PLCB4: variants seen among roughly 807,000 people sequenced by gnomAD.
PLCB4 encodes the protein 1-phosphatidylinositol 4,5-bisphosphate phosphodiesterase beta-4.
Under a neutral mutation model 178.8 loss-of-function variants are expected in PLCB4, and 77 were observed. That is an observed-to-expected ratio of 0.43 (90% CI 0.36 to 0.52). PLCB4 has a LOEUF of 0.52. Among genes scored for constraint, PLCB4 ranks in the 20% least tolerant of loss-of-function variants. The probability of loss-of-function intolerance (pLI) is 0.00; values close to 1 mark genes in which losing one functional copy is unlikely to be tolerated. For synonymous variants in PLCB4, 496 were observed against 490.8 expected, an observed-to-expected ratio of 1.01 and a Z score of -0.14; for missense variants, 1,024 against 1,453.4, an observed-to-expected ratio of 0.70 and a Z score of 4.80.
chr20:9,133,774 G>A (rs2092326678), intron 2 of PLCB4, among the ~76,000 whole-genome samples: 1 of 152,156 alleles, frequency 6.6e-6, no homozygotes, highest in Non-Finnish European at 1.5e-5. Context: ...TCCCATGGAG[G>A]CACTGTGGAC....
chr20:9,105,599 G>A (rs968918796), intron 2 of PLCB4, among the ~76,000 whole-genome samples: 1 of 152,000 alleles, frequency 6.6e-6, no homozygotes, highest in Non-Finnish European at 1.5e-5. Context: ...TTGAACAATG[G>A]TATTGATACA....
intron 3 of PLCB4, among the ~76,000 whole-genome samples, chr20:9,279,941 G>A (rs1419094472): frequency 6.6e-6 from 1 of 152,006 alleles, no homozygotes; most frequent in Non-Finnish European, 1.5e-5. Context: ...TTAGCCGTTT[G>A]GCTTTGTCAT....
intron 7 of PLCB4, among the ~76,000 whole-genome samples, chr20:9,340,863 C>T (rs1246524793): frequency 6.6e-6 from 1 of 152,100 alleles, no homozygotes; most frequent in Non-Finnish European, 1.5e-5. Context: ...GTGGGAAGCA[C>T]TTTGTGTACT....
chr20:9,239,468 G>A (rs1481789933), intron 3 of PLCB4, among the ~76,000 whole-genome samples: 3 of 152,226 alleles, frequency 2.0e-5, no homozygotes, highest in Non-Finnish European at 2.9e-5. Context: ...AGAGAAAAAC[G>A]TAACAAATTT....
intron 3 of PLCB4, among the ~76,000 whole-genome samples, chr20:9,282,588 C>T (rs1772597533): frequency 6.6e-6 from 1 of 151,976 alleles, no homozygotes; most frequent in Admixed American, 6.6e-5. Flanking sequence ...ATCACAGTGC[C>T]CACTTACTCA....
chr20:9,457,255 G>A (rs951602254), intron 33 of PLCB4, among the ~76,000 whole-genome samples, 159 bp from the exon 34 acceptor site: 1 of 152,150 alleles, frequency 6.6e-6, no homozygotes, highest in African/African-American at 2.4e-5. Flanking sequence ...ATTTTGTAAG[G>A]TGTGAATCTA....
intron 3 of PLCB4, among the ~76,000 whole-genome samples, chr20:9,288,064 T>C (rs2094550041): frequency 6.6e-6 from 1 of 152,128 alleles, no homozygotes; most frequent in Admixed American, 6.6e-5. Flanking sequence ...TTGGCCTATG[T>C]TCCCACTCTA....
chr20:9,243,159 A>G (rs901633641), intron 3 of PLCB4, among the ~76,000 whole-genome samples: 1 of 152,154 alleles, frequency 6.6e-6, no homozygotes, highest in Non-Finnish European at 1.5e-5. Flanking sequence ...GCAGCCTTGG[A>G]AAGAGGTATA....
intron 17 of PLCB4, 52 bp from the exon 18 acceptor site, chr20:9,393,536 G>C (rs1346710640): frequency 7.3e-6 from 9 of 1,232,444 alleles, no homozygotes; most frequent in African/African-American, 1.5e-5. Flanking sequence ...CTGGGAAGGA[G>C]AATGGAGAAG....
chr20:9,135,716 A>G (rs1490874282), intron 2 of PLCB4, among the ~76,000 whole-genome samples: 1 of 152,144 alleles, frequency 6.6e-6, no homozygotes, highest in Non-Finnish European at 1.5e-5. Flanking sequence ...TCTAATAGCC[A>G]TTTGGTTAAT....
At chr20:9,102,801 GA>G (rs1409282686) in intron 2 of PLCB4, among the ~76,000 whole-genome samples, 1 of 152,046 alleles carries the variant, frequency 6.6e-6, no homozygotes, top group Non-Finnish European at 1.5e-5. Flanking sequence ...TTTGTAACCT[GA>G]GACAGATGAT....
chr20:9,321,512 T>G (rs933856964), intron 4 of PLCB4, among the ~76,000 whole-genome samples: 1 of 152,234 alleles, frequency 6.6e-6, no homozygotes, highest in East Asian at 1.9e-4. Context: ...ATTATACTAC[T>G]AAGTCTAGGT....
At chr20:9,126,382 G>A (rs1245988762) in intron 2 of PLCB4, among the ~76,000 whole-genome samples, 2 of 152,148 alleles carry the variant, frequency 1.3e-5, no homozygotes, top group African/African-American at 4.8e-5. Flanking sequence ...TGTTTGATAT[G>A]TTTTAAAATG....
chr20:9,214,458 T>TG (rs1488715213), intron 2 of PLCB4, among the ~76,000 whole-genome samples: 1 of 152,108 alleles, frequency 6.6e-6, no homozygotes, highest in African/African-American at 2.4e-5. Flanking sequence ...GCATTAACAC[T>TG]GATACAACTC....
chr20:9,234,096 G>A (rs1415057374), intron 3 of PLCB4, among the ~76,000 whole-genome samples: 4 of 152,078 alleles, frequency 2.6e-5, no homozygotes, highest in Admixed American at 2.6e-4. Flanking sequence ...CAGCAGATGA[G>A]TTGGATACAG....
intron 3 of PLCB4, among the ~76,000 whole-genome samples, chr20:9,294,432 C>T (rs987579660): frequency 2.6e-5 from 4 of 152,048 alleles, no homozygotes; most frequent in African/African-American, 9.7e-5. Flanking sequence ...ACTTCAGGCT[C>T]TCAGTATCTA....
intron 3 of PLCB4, among the ~76,000 whole-genome samples, chr20:9,288,439 A>G (rs1471257040): frequency 1.3e-5 from 2 of 148,352 alleles, no homozygotes; most frequent in Non-Finnish European, 3.0e-5. Context: ...CGATCTTTGC[A>G]TTGCTCACTT....
chr20:9,453,088 C>T lies in PLCB4; in HGVS notation c.2881-259C>T, dbSNP rs114614081. Reference sequence around the variant, plus strand: ...AGAAAGGACTTCGAGATGATTGGCACTACCCACTGCTGAGCAGGAGTGCAT... The same window carrying T: ...AGAAAGGACTTCGAGATGATTGGCATTACCCACTGCTGAGCAGGAGTGCAT... On this transcript the variant is annotated intron_variant, in intron 32 of 39. Transcript: ENST00000378473. 2.9e-3 allele frequency among the ~76,000 whole-genome samples: 442 copies of T among 152,310 alleles called. 3 individuals are homozygous for T. Among genetic ancestry groups the T allele is most frequent in the African/African-American group, 0.01 (425 of 41,564 alleles).
At chr20:9,110,209 T>A (rs894536499) in intron 2 of PLCB4, among the ~76,000 whole-genome samples, 12 of 152,132 alleles carry the variant, frequency 7.9e-5, no homozygotes, top group African/African-American at 1.7e-4. Context: ...GTTTTTTTTT[T>A]AAAACATATA....
Sources: gnomAD v4.1 joint callset for allele counts (sites outside exome capture counted in the v4.1 genomes callset) on GRCh38, gnomAD v4.1.1 for gene constraint, MANE v1.5 for transcripts, NCBI Gene and HGNC (gene_info 2026-07-23, HGNC 2026-07-21) for gene names.